Variants in TRPM6 observed in about 807,000 individuals in gnomAD.
The protein encoded by TRPM6 is channel kinase 2.
In TRPM6, 111 loss-of-function variants were observed where a neutral mutation model predicts 247.6. That is an observed-to-expected ratio of 0.45 (90% confidence interval 0.38 to 0.52). The LOEUF is 0.52. Ranked by LOEUF, TRPM6 falls within the 20% of genes least tolerant of loss-of-function variation. The pLI, the probability that TRPM6 is intolerant of heterozygous loss-of-function variation, is 0.00. For synonymous variants in TRPM6, 892 were observed against 853.8 expected, an observed-to-expected ratio of 1.04 and a Z score of -0.78; for missense variants, 2,126 against 2,421.5, an observed-to-expected ratio of 0.88 and a Z score of 2.56.
intron 1 of TRPM6, chr9:74,887,570 G>A (rs1476250497): frequency 1.4e-6 from 2 of 1,474,012 alleles, no homozygotes; most frequent in Non-Finnish European, 1.8e-6. Flanking sequence ...CCTCCGCTAT[G>A]GCCGCATCCC....
At chr9:74,789,174 T>G (rs982635943) in intron 19 of TRPM6, among the ~76,000 whole-genome samples, 7 of 152,240 alleles carry the variant, frequency 4.6e-5, no homozygotes, top group African/African-American at 1.7e-4. Context: ...TACAATGAAC[T>G]GTGGCATTTA....
At chr9:74,753,088 G>C in intron 28 of TRPM6, among the ~76,000 whole-genome samples, 1 of 141,202 alleles carries the variant, frequency 7.1e-6, no homozygotes, top group East Asian at 2.0e-4. Flanking sequence ...ACTCCAGCCT[G>C]AGCGACAGAG....
intron 36 of TRPM6, among the ~76,000 whole-genome samples, chr9:74,737,676 T>G (rs1825739077): frequency 6.6e-6 from 1 of 152,166 alleles, no homozygotes; most frequent in Non-Finnish European, 1.5e-5. Flanking sequence ...TCCTATAATA[T>G]TTACCTCAAG....
chr9:74,887,092 C>A, intron 1 of TRPM6: 1 of 467,820 alleles, frequency 2.1e-6, no homozygotes, highest in South Asian at 9.2e-5. Flanking sequence ...CAGGAGCACC[C>A]TCCCTCTCCA....
intron 37 of TRPM6, among the ~76,000 whole-genome samples, chr9:74,729,901 T>C (rs901127527): frequency 2.6e-5 from 4 of 152,164 alleles, no homozygotes; most frequent in Non-Finnish European, 5.9e-5. Context: ...GATGCAACAC[T>C]GAATCTCAGA....
chr9:74,878,233 G>C (rs1435443911), intron 1 of TRPM6, among the ~76,000 whole-genome samples: 1 of 152,048 alleles, frequency 6.6e-6, no homozygotes, highest in Non-Finnish European at 1.5e-5. Context: ...CACACCCACT[G>C]TCCAGGGGCT....
intron 1 of TRPM6, among the ~76,000 whole-genome samples, chr9:74,863,386 C>T (rs1830747684): frequency 6.6e-6 from 1 of 152,088 alleles, no homozygotes; most frequent in African/African-American, 2.4e-5. Flanking sequence ...CCACCTGCCA[C>T]ATGAAGTCAG....
rs150629922 is a variant in TRPM6, at chr9:74,748,466, A to C, written c.5058-552T>G. On this transcript the variant is annotated intron_variant, in intron 30 of 38. Coordinates refer to ENST00000360774, the MANE Select transcript of TRPM6 (RefSeq NM_017662.5). ...TGTTATCATAGGAGGTGACAGCTCC[A>C]TGTGTGTTATTGCCCCTGAACACCT... is the stretch of plus-strand genomic sequence containing the variant. Among the ~76,000 whole-genome samples, 1,018 of 152,300 alleles carry C rather than the reference A, an allele frequency of 6.7e-3. 5 individuals are homozygous for C. The highest frequency in any genetic ancestry group is 0.011 in the Non-Finnish European group (732 of 68,028).
At chr9:74,782,931 T>C in intron 21 of TRPM6, 78 bp from the exon 22 acceptor site, 1 of 1,311,492 alleles carries the variant, frequency 7.6e-7, no homozygotes, top group Non-Finnish European at 1.1e-6. Context: ...GCAGCCATCA[T>C]AACTATACCT....
At position 74,811,725 on chromosome 9, in the gene TRPM6, T is replaced by G. The variant is rs2117902373; in HGVS notation, c.1443+574A>C. Among the ~76,000 whole-genome samples, 2 of 152,332 alleles carry G rather than the reference T, an allele frequency of 1.3e-5. 1 individual carries two copies. Among genetic ancestry groups the G allele is most frequent in the South Asian group, 4.1e-4 (2 of 4,830 alleles). On this transcript the variant is annotated intron_variant, in intron 12 of 38. Transcript: ENST00000360774. ...TATAAACTATCTTTGTACAAGAATATTCAAGGAGATAAATAAGTCTTAAGC... is the reference window on the plus strand; with the variant it reads ...TATAAACTATCTTTGTACAAGAATAGTCAAGGAGATAAATAAGTCTTAAGC...
intron 25 of TRPM6, among the ~76,000 whole-genome samples, chr9:74,767,838 T>C (rs1826879290): frequency 6.6e-6 from 1 of 152,120 alleles, no homozygotes; most frequent in African/African-American, 2.4e-5. Flanking sequence ...TAGCTCAGCA[T>C]GGTAGCATGT....
chr9:74,812,464 A>G lies in TRPM6; in HGVS notation c.1309-31T>C, dbSNP rs76296438. 1.9e-3 allele frequency: 3,006 copies of G among 1,598,974 alleles called. 49 individuals are homozygous for G. In the African/African-American group the frequency reaches 0.033, roughly 17 times the overall value. On this transcript the variant is annotated intron_variant, in intron 11 of 38. Transcript: ENST00000360774. ...GAAAGCACAAATAAGAAATATAAAG[A>G]CAATTAAGAAAGTAGAAATAACTAA...
intron 5 of TRPM6, among the ~76,000 whole-genome samples, chr9:74,838,386 G>A (rs1351185775): frequency 2.6e-5 from 4 of 152,320 alleles, no homozygotes; most frequent in African/African-American, 9.6e-5. Context: ...TATAAAATAT[G>A]TATGATAAAG....
chr9:74,736,237 G>A (rs1825688461), intron 36 of TRPM6, among the ~76,000 whole-genome samples: 1 of 152,126 alleles, frequency 6.6e-6, no homozygotes, highest in Non-Finnish European at 1.5e-5. Context: ...GACTCAAGGT[G>A]GTTGCTCCTC....
intron 1 of TRPM6, among the ~76,000 whole-genome samples, chr9:74,868,715 C>G (rs1830931435): frequency 6.6e-6 from 1 of 152,040 alleles, no homozygotes; most frequent in Non-Finnish European, 1.5e-5. Flanking sequence ...TGAAAGACAA[C>G]AAAGGTTTTA....
intron 9 of TRPM6, among the ~76,000 whole-genome samples, chr9:74,819,706 G>A (rs1309164457): frequency 6.6e-6 from 1 of 152,156 alleles, no homozygotes; most frequent in Non-Finnish European, 1.5e-5. Context: ...GACGCTGTGA[G>A]GCAGTCATGT....
At chr9:74,750,775 A>G in intron 29 of TRPM6, 53 bp from the exon 30 acceptor site, 2 of 1,522,618 alleles carry the variant, frequency 1.3e-6, no homozygotes, top group Non-Finnish European at 1.8e-6. Flanking sequence ...TCCCACCCCA[A>G]GTTTCTAGGA....
intron 1 of TRPM6, among the ~76,000 whole-genome samples, chr9:74,863,754 T>C (rs1200758782): frequency 6.6e-6 from 1 of 151,864 alleles, no homozygotes; most frequent in Non-Finnish European, 1.5e-5. Context: ...CGGCTAATTT[T>C]TTTTTGTATT....
chr9:74,857,609 C>T (rs1409969516), intron 2 of TRPM6: 1 of 152,170 alleles, frequency 6.6e-6, no homozygotes, highest in East Asian at 1.9e-4. Context: ...TTGTCAAGAA[C>T]TCAGTAGTCA....
Sources: gnomAD v4.1 joint callset for allele counts (sites outside exome capture counted in the v4.1 genomes callset) on GRCh38, gnomAD v4.1.1 for gene constraint, MANE v1.5 for transcripts, NCBI Gene and HGNC (gene_info 2026-07-23, HGNC 2026-07-21) for gene names.